The following ASTN2 variants were observed in gnomAD, a reference collection of about 807,000 sequenced individuals.
The protein encoded by ASTN2 is astrotactin 2.
ASTN2 carries 54 observed loss-of-function variants against 139.8 expected under a neutral mutation model. The ratio of observed to expected loss-of-function variants is 0.39; its 90% CI spans 0.31 to 0.48. The LOEUF (loss-of-function observed/expected upper bound fraction) is 0.48. Ranked by LOEUF, ASTN2 falls within the 20% of genes least tolerant of loss-of-function variation. The probability of loss-of-function intolerance (pLI) is 0.95; values close to 1 mark genes in which losing one functional copy is unlikely to be tolerated. For synonymous variants in ASTN2, 756 were observed against 719.5 expected, an observed-to-expected ratio of 1.05 and a Z score of -0.81; for missense variants, 1,565 against 1,725.1, an observed-to-expected ratio of 0.91 and a Z score of 1.64.
At chr9:116,710,196 G>C (rs1653741197) in intron 16 of ASTN2, among the ~76,000 whole-genome samples, 1 of 152,050 alleles carries the variant, frequency 6.6e-6, no homozygotes, top group Non-Finnish European at 1.5e-5. Context: ...CCCAATCCAA[G>C]CCAGTCTCCT....
chr9:116,573,775 T>C (rs55898437), intron 19 of ASTN2, among the ~76,000 whole-genome samples: 21,076 of 152,212 alleles, frequency 0.14, 1,578 homozygotes, highest in Middle Eastern at 0.19. Flanking sequence ...TCCCAAGTTA[T>C]GGCATTGGTC....
intron 11 of ASTN2, among the ~76,000 whole-genome samples, chr9:116,840,484 G>T: frequency 7.3e-6 from 1 of 137,236 alleles, no homozygotes; most frequent in Non-Finnish European, 1.6e-5. Context: ...CTCCCGGACG[G>T]GGCGGCTGGC....
chr9:117,398,841 G>A (rs1830746586), intron 1 of ASTN2, among the ~76,000 whole-genome samples: 1 of 152,172 alleles, frequency 6.6e-6, no homozygotes, highest in Non-Finnish European at 1.5e-5. Flanking sequence ...GAATGCAGTG[G>A]CACGATCTTG....
chr9:116,699,204 G>T lies in ASTN2; in HGVS notation c.2806+26567C>A, dbSNP rs748404804. 1 of 1,614,252 alleles carries T rather than the reference G, an allele frequency of 6.2e-7. No individual in the cohort carries two copies. The highest frequency in any genetic ancestry group is 8.5e-7 in the Non-Finnish European group (1 of 1,180,046). On this transcript the variant is annotated intron_variant, in intron 16 of 22. Transcript: ENST00000313400. This position sits in a 1 kb window ranked among gnomAD's most constrained non-coding sequence, Gnocchi z 4.2. ...ATCTGGCCAGTTTGTAGTAACCGAT[G>T]TGGAAGGTGGAAAGCTTTGGTGTTT...
chr9:116,485,113 C>T (rs959934079), intron 20 of ASTN2, among the ~76,000 whole-genome samples: 9 of 152,190 alleles, frequency 5.9e-5, no homozygotes, highest in African/African-American at 2.2e-4. Flanking sequence ...ATCACAAGGG[C>T]AACAACAGCA....
At chr9:116,865,195 G>C (rs1326826295) in intron 10 of ASTN2, among the ~76,000 whole-genome samples, 1 of 152,044 alleles carries the variant, frequency 6.6e-6, no homozygotes, top group East Asian at 1.9e-4. Flanking sequence ...GAAGGGCTGG[G>C]CATAGTGGCT....
At chr9:116,478,502 T>C (rs1347309141) in intron 20 of ASTN2, among the ~76,000 whole-genome samples, 4 of 152,154 alleles carry the variant, frequency 2.6e-5, no homozygotes, top group Admixed American at 2.6e-4. Context: ...TCCCTTCTCA[T>C]AGGAGCTGAA....
At chr9:116,762,518 CTA>C (rs1465924492) in intron 13 of ASTN2, among the ~76,000 whole-genome samples, 1 of 152,216 alleles carries the variant, frequency 6.6e-6, no homozygotes, top group Admixed American at 6.5e-5. Flanking sequence ...TGTTGGCAAA[CTA>C]TTAACTGCAG....
intron 4 of ASTN2, among the ~76,000 whole-genome samples, chr9:117,137,306 AT>A (rs1277385996): frequency 1.3e-5 from 2 of 152,158 alleles, no homozygotes; most frequent in Non-Finnish European, 1.5e-5. Context: ...TCGGCTACCC[AT>A]TCCATCTTCT....
rs113508143 is a variant in ASTN2, at chr9:117,048,581, G to A, written c.1277-8616C>T. The stretch of plus-strand genomic sequence containing the variant: ...GGCTGGCTATTTGAATTTCTCTGTG[G>A]CAACTGCAGGTAGCTGGGCTTGCAA... On this transcript the variant is annotated intron_variant, in intron 5 of 22. Coordinates refer to ENST00000313400, the MANE Select transcript of ASTN2 (RefSeq NM_001365068.1). Among the ~76,000 whole-genome samples the A allele has an allele frequency of 7.5e-3, 1,136 of 152,302 alleles. 16 individuals are homozygous for A. The highest frequency in any genetic ancestry group is 0.026 in the African/African-American group (1,077 of 41,562).
At chr9:116,823,707 G>T (rs902059372) in intron 11 of ASTN2, among the ~76,000 whole-genome samples, 1 of 152,078 alleles carries the variant, frequency 6.6e-6, no homozygotes, top group South Asian at 2.1e-4. Context: ...TTTGCTGATG[G>T]GAAACTGAGG....
intron 16 of ASTN2, among the ~76,000 whole-genome samples, chr9:116,671,410 G>A (rs1309141719): frequency 2.0e-5 from 3 of 152,064 alleles, no homozygotes; most frequent in Non-Finnish European, 4.4e-5. Context: ...ACATCATATG[G>A]AGATTAGAGT....
chr9:116,988,564 A>T (rs940836159), intron 7 of ASTN2, among the ~76,000 whole-genome samples: 19 of 152,294 alleles, frequency 1.2e-4, no homozygotes, highest in African/African-American at 4.6e-4. Context: ...GATTTTATAC[A>T]GGAGGAAACT....
intron 2 of ASTN2, among the ~76,000 whole-genome samples, chr9:117,282,321 G>T (rs915505193): frequency 6.6e-6 from 1 of 152,126 alleles, no homozygotes; most frequent in Non-Finnish European, 1.5e-5. Flanking sequence ...AGCTATACAC[G>T]TTCTTATTCT....
chr9:117,408,992 C>T (rs1191832925), intron 1 of ASTN2, among the ~76,000 whole-genome samples: 1 of 152,142 alleles, frequency 6.6e-6, no homozygotes, highest in South Asian at 2.1e-4. Context: ...CCCCAAGACC[C>T]TTGTTTATAA....
At chr9:116,765,493 A>G (rs1829784429) in intron 13 of ASTN2, among the ~76,000 whole-genome samples, 3 of 152,206 alleles carry the variant, frequency 2.0e-5, no homozygotes, top group Admixed American at 6.5e-5. Flanking sequence ...CTCTTGCCCA[A>G]GAGGTTTTGC....
chr9:117,127,706 A>AG (rs1416694820), intron 4 of ASTN2, among the ~76,000 whole-genome samples: 1 of 101,966 alleles, frequency 9.8e-6, no homozygotes, highest in Non-Finnish European at 1.8e-5. Flanking sequence ...TTTGAGACAG[A>AG]GTCTCACTCT....
intron 10 of ASTN2, among the ~76,000 whole-genome samples, chr9:116,892,110 C>T (rs924102315): frequency 6.6e-6 from 1 of 152,050 alleles, no homozygotes; most frequent in African/African-American, 2.4e-5. Context: ...AGTCTCATAT[C>T]TAATTATAGT....
intron 19 of ASTN2, chr9:116,584,012 C>T (rs1854053038): frequency 6.6e-6 from 1 of 152,186 alleles, no homozygotes; most frequent in African/African-American, 2.4e-5. Context: ...ATTCAACCCA[C>T]CCAAATCTCA....
Sources: gnomAD v4.1 joint callset for allele counts (sites outside exome capture counted in the v4.1 genomes callset) on GRCh38, gnomAD v4.1.1 for gene constraint, Gnocchi (gnomAD v3.1) non-coding constraint, MANE v1.5 for transcripts, NCBI Gene and HGNC (gene_info 2026-07-23, HGNC 2026-07-21) for gene names.